Variants in TANK observed in about 807,000 individuals in gnomAD.
TANK encodes TRAF family member associated NFKB activator, also known as TRAF family member-associated NF-kappa-B activator.
A neutral mutation model predicts 43.6 loss-of-function variants in TANK; 15 were observed. The ratio of observed to expected loss-of-function variants is 0.34; its 90% CI spans 0.23 to 0.53. The LOEUF (loss-of-function observed/expected upper bound fraction) is 0.53, where lower values mean the gene tolerates loss of function less well. Among genes scored for constraint, TANK ranks in the 20% least tolerant of loss-of-function variants. TANK has a pLI of 0.94. For missense variants in TANK, 417 were observed against 498.6 expected, an observed-to-expected ratio of 0.84 and a Z score of 1.56; for synonymous variants, 162 against 178.2, an observed-to-expected ratio of 0.91 and a Z score of 0.73.
chr2:161,153,051 T>C (rs1438180837), intron 1 of TANK, among the ~76,000 whole-genome samples: 1 of 152,094 alleles, frequency 6.6e-6, no homozygotes, highest in Non-Finnish European at 1.5e-5. Flanking sequence ...GAAGGTAAGC[T>C]TGATGTTAAC....
intron 7 of TANK, chr2:161,232,972 G>A: frequency 7.1e-6 from 7 of 989,996 alleles, no homozygotes; most frequent in South Asian, 4.5e-5. Context: ...AGTTTAGGAT[G>A]GAAAGAATAT....
intron 4 of TANK, among the ~76,000 whole-genome samples, chr2:161,222,361 AC>A (rs1687389352): frequency 6.6e-6 from 1 of 151,874 alleles, no homozygotes; most frequent in South Asian, 2.1e-4. Context: ...ATATATAATC[AC>A]TTATTTTATG....
chr2:161,208,006 A>G lies in TANK; in HGVS notation c.327+3213A>G, dbSNP rs1268758846. 3.1e-5 allele frequency: 25 copies of G among 803,728 alleles called. 1 individual carries two copies. Among genetic ancestry groups the G allele is most frequent in the Non-Finnish European group, 3.8e-5 (25 of 664,712 alleles). The allele number at this position is 803,728 out of a possible 1,614,324, so 49.8% of individuals were successfully genotyped here. A position where few individuals can be genotyped will look rare whatever the true frequency, so the allele number is the denominator to read the frequency against. ...TATAATGAATTAGTAAGTTAATAGAAATGCTTTGAACCAGTAACAGAAGGA... is the reference window on the plus strand; with the variant it reads ...TATAATGAATTAGTAAGTTAATAGAGATGCTTTGAACCAGTAACAGAAGGA... On this transcript the variant is annotated intron_variant, in intron 4 of 7. Transcript: ENST00000392749.
At chr2:161,202,210 G>A (rs1445319566) in intron 2 of TANK, among the ~76,000 whole-genome samples, 10 of 101,000 alleles carry the variant, frequency 9.9e-5, no homozygotes, top group Non-Finnish European at 1.9e-4. Context: ...TTTTTTTTGA[G>A]ACAGAGTCTG....
chr2:161,163,369 G>A (rs1684527250), intron 1 of TANK: 1 of 152,128 alleles, frequency 6.6e-6, no homozygotes, highest in Admixed American at 6.5e-5. Context: ...GTAATGTCAA[G>A]AACTAAGAAC....
chr2:161,195,769 T>C (rs1310802610), intron 2 of TANK, among the ~76,000 whole-genome samples: 3 of 152,100 alleles, frequency 2.0e-5, no homozygotes, highest in Non-Finnish European at 4.4e-5. Context: ...TTAAGAGATA[T>C]TAATAGTTGA....
At chr2:161,158,213 C>G (rs1175531437), upstream of TANK, among the ~76,000 whole-genome samples, 7 of 152,130 alleles carry the variant, frequency 4.6e-5, no homozygotes, top group African/African-American at 1.7e-4. Flanking sequence ...ACCCAACCTC[C>G]AAAGCCACAT....
rs1398951507 is a variant in TANK, at chr2:161,230,975, A to G, written c.525A>G (p.Thr175=). 3 of 1,613,622 alleles carry G rather than the reference A, an allele frequency of 1.9e-6. No homozygotes were observed. The highest frequency in any genetic ancestry group is 2.5e-6 in the Non-Finnish European group (3 of 1,179,600). The change falls in exon 7 of 8, where the codon ACA becomes ACG. Residue 175 remains threonine, a synonymous_variant. Coordinates refer to ENST00000392749, the MANE Select transcript of TANK (RefSeq NM_001199135.3). ...TTTGTGTTCTTCTCCCTCCAGAAAC[A>G]CAGTGCTCTGTGCCTATACAGTGTA... ...KLNIPDTATE[T]QCSVPIQCTD...
chr2:161,179,828 C>T lies in TANK; in HGVS notation c.99+67C>T, dbSNP rs186503112. ...CATGGAATTTTAGAGCCTTTTGCAT[C>T]TGAAAAATGTTATATTGTTAGAAAT... On this transcript the variant is annotated intron_variant, in intron 2 of 7. Transcript: ENST00000392749. 107 of 1,524,132 alleles carry T rather than the reference C, an allele frequency of 7.0e-5. No homozygotes were observed. In the Middle Eastern group the frequency reaches 1.6e-3, roughly 22 times the overall value. 94.4% of individuals were successfully genotyped at this position (1,524,132 alleles called of 1,614,324 possible).
intron 4 of TANK, chr2:161,212,250 G>A (rs569956459): frequency 4.1e-5 from 18 of 436,640 alleles, no homozygotes; most frequent in Admixed American, 3.9e-4. Context: ...TAGTAGAGAC[G>A]GGGTTTCACT....
At chr2:161,184,108 C>T (rs769675939) in intron 2 of TANK, among the ~76,000 whole-genome samples, 1 of 152,016 alleles carries the variant, frequency 6.6e-6, no homozygotes, top group African/African-American at 2.4e-5. Context: ...GTATATGATA[C>T]ATTTCATGTA....
At chr2:161,231,682 C>A in intron 7 of TANK, 131 bp downstream of exon 7, 1 of 796,142 alleles carries the variant, frequency 1.3e-6, no homozygotes, top group Admixed American at 2.8e-5. Context: ...TTAAGGCTTT[C>A]AAAAAAACAA....
intron 1 of TANK, among the ~76,000 whole-genome samples, chr2:161,164,200 G>C (rs910779426): frequency 6.6e-6 from 1 of 152,196 alleles, no homozygotes; most frequent in African/African-American, 2.4e-5. Context: ...AAAATAGACT[G>C]TTGACATAAA....
Position 161,223,890 on chromosome 2 carries a change from A to G in TANK, c.328-25A>G, listed in dbSNP as rs375062387. On this transcript the variant is annotated intron_variant, in intron 4 of 7. Coordinates refer to ENST00000392749, the MANE Select transcript of TANK (RefSeq NM_001199135.3). Reference sequence around the variant, plus strand: ...AATTTGGGAGCAATTTAAAGTAGTAATAGTAATCATTTTGTATGTTTAAGG... The same window carrying G: ...AATTTGGGAGCAATTTAAAGTAGTAGTAGTAATCATTTTGTATGTTTAAGG... 1.0e-5 allele frequency: 15 copies of G among 1,489,660 alleles called. No individual in the cohort carries two copies. In the South Asian group the frequency reaches 1.5e-4, roughly 15 times the overall value. 92.3% of individuals were successfully genotyped at this position (1,489,660 alleles called of 1,614,324 possible).
intron 2 of TANK, among the ~76,000 whole-genome samples, chr2:161,191,433 C>G (rs1242328884): frequency 6.6e-6 from 1 of 152,130 alleles, no homozygotes; most frequent in Non-Finnish European, 1.5e-5. Flanking sequence ...GCATGCTAAT[C>G]TGAAAAAGGT....
chr2:161,193,572 T>C (rs1218331901), intron 2 of TANK, among the ~76,000 whole-genome samples: 2 of 152,128 alleles, frequency 1.3e-5, no homozygotes, highest in African/African-American at 2.4e-5. Context: ...AATAAATAAA[T>C]AGATAAATAA....
chr2:161,224,066 A>G, intron 5 of TANK, 75 bp downstream of exon 5: 2 of 1,049,122 alleles, frequency 1.9e-6, no homozygotes, highest in Non-Finnish European at 1.4e-6. Flanking sequence ...GTTTTTTTTA[A>G]GCTTTAACAA....
intron 2 of TANK, among the ~76,000 whole-genome samples, chr2:161,183,256 TATG>T (rs777584369): frequency 6.6e-6 from 1 of 152,200 alleles, no homozygotes; most frequent in Non-Finnish European, 1.5e-5. Flanking sequence ...TATGAATACT[TATG>T]GACTGTAAGT....
chr2:161,148,250 G>A (rs190873333), intron 1 of TANK, among the ~76,000 whole-genome samples: 1 of 152,258 alleles, frequency 6.6e-6, no homozygotes, highest in Admixed American at 6.5e-5. Context: ...ATTCATTGTA[G>A]TCCTGATTTG....
Sources: allele counts gnomAD v4.1 joint callset (sites outside exome capture counted in the v4.1 genomes callset), GRCh38; gene constraint gnomAD v4.1.1; transcripts MANE v1.5; gene names NCBI Gene and HGNC (gene_info 2026-07-23, HGNC 2026-07-21).